The following DCAF5 variants were observed in gnomAD, a reference collection of about 807,000 sequenced individuals.
The protein encoded by DCAF5 is DDB1 and CUL4 associated factor 5.
In DCAF5, 9 loss-of-function variants were observed where a neutral mutation model predicts 80.7. The ratio of observed to expected loss-of-function variants is 0.11; its 90% confidence interval spans 0.07 to 0.19. DCAF5 has a LOEUF of 0.19. DCAF5 is among the 10% of genes least tolerant of loss of function. The probability of loss-of-function intolerance (pLI) is 1.00; values close to 1 mark genes in which losing one functional copy is unlikely to be tolerated. For synonymous variants in DCAF5, 433 were observed against 461.9 expected (o/e 0.94, Z 0.80); for missense variants, 842 against 1,205.7 (o/e 0.70, Z 4.47).
At chr14:69,149,310 G>A (rs1333721259) in intron 1 of DCAF5, 9 of 152,314 alleles carry the variant, frequency 5.9e-5, no homozygotes, top group Admixed American at 4.6e-4. Flanking sequence ...GTATCACAGC[G>A]ATGCCCCTTT....
Position 69,152,639 on chromosome 14 carries a change from C to A in DCAF5, c.214+126G>T. 1 of 686,468 alleles carries A rather than the reference C, an allele frequency of 1.5e-6. No homozygotes were observed. Among genetic ancestry groups the A allele is most frequent in the Admixed American group, 2.8e-5 (1 of 35,598 alleles). 42.5% of individuals were successfully genotyped at this position (686,468 alleles called of 1,614,324 possible). A position where few individuals can be genotyped will look rare whatever the true frequency, so the allele number is the denominator to read the frequency against. ...TTAATTTGACACCAAACCTTCCCAC[C>A]GCAGAAGGGGGTAGAGAAAGGGAGG... On this transcript the variant is annotated intron_variant, in intron 1 of 8. Transcript: ENST00000341516. The surrounding 1 kb of genome is among the most constrained non-coding windows in gnomAD (Gnocchi z 4.1).
intron 1 of DCAF5, among the ~76,000 whole-genome samples, chr14:69,132,089 G>T (rs2041058299): frequency 6.6e-6 from 1 of 152,128 alleles, no homozygotes; most frequent in Admixed American, 6.5e-5. Flanking sequence ...TGTGAATAAT[G>T]CCACTATGAA....
At chr14:69,136,043 T>C (rs1461302891) in intron 1 of DCAF5, among the ~76,000 whole-genome samples, 5 of 152,004 alleles carry the variant, frequency 3.3e-5, no homozygotes, top group Admixed American at 6.6e-5. Flanking sequence ...TGGTACAGTA[T>C]TAAGGAAGAA....
At chr14:69,115,341 C>T (rs1449298584) in intron 5 of DCAF5, among the ~76,000 whole-genome samples, 1 of 152,184 alleles carries the variant, frequency 6.6e-6, no homozygotes, top group African/African-American at 2.4e-5. Flanking sequence ...CACCGATCTG[C>T]TACAATAGTT....
At chr14:69,056,455 C>T (rs1053267909) in intron 8 of DCAF5, among the ~76,000 whole-genome samples, 12 of 152,230 alleles carry the variant, frequency 7.9e-5, no homozygotes, top group Admixed American at 3.9e-4. Context: ...AAAGGCTTAA[C>T]TTTACTGTTA....
chr14:69,144,571 C>T lies in DCAF5; in HGVS notation c.214+8194G>A, dbSNP rs138992681. Among the ~76,000 whole-genome samples the T allele has an allele frequency of 5.2e-3, 779 of 149,032 alleles. 5 individuals carry two copies. The highest frequency in any genetic ancestry group is 0.018 in the African/African-American group (745 of 40,374). ...CAGCCGGGGCGACAGAGCGAGACTC[C>T]GTTTAAAAAAAAAAGATTAAAGGGG... On this transcript the variant is annotated intron_variant, in intron 1 of 8. Transcript: ENST00000341516.
chr14:69,132,515 C>G (rs2041072237), intron 1 of DCAF5, among the ~76,000 whole-genome samples: 1 of 152,184 alleles, frequency 6.6e-6, no homozygotes, highest in African/African-American at 2.4e-5. Flanking sequence ...CCCCATCCAG[C>G]CCAAAAGAGT....
chr14:69,099,008 T>G (rs928259604), intron 5 of DCAF5, among the ~76,000 whole-genome samples: 1 of 151,484 alleles, frequency 6.6e-6, no homozygotes, highest in African/African-American at 2.4e-5. Context: ...ATCCCAGCAC[T>G]TTGGGAGGCC....
chr14:69,074,999 A>G (rs996194945), intron 7 of DCAF5, among the ~76,000 whole-genome samples: 5 of 151,486 alleles, frequency 3.3e-5, no homozygotes, highest in African/African-American at 1.2e-4. Context: ...ACACCAGTGC[A>G]CTCTGGCTTG....
intron 5 of DCAF5, among the ~76,000 whole-genome samples, chr14:69,094,715 A>AC (rs973496349): frequency 3.3e-5 from 5 of 152,196 alleles, no homozygotes; most frequent in African/African-American, 1.2e-4. Context: ...CTGCCCTCAT[A>AC]GTCAAGATAC....
chr14:69,083,944 A>G lies in DCAF5; in HGVS notation c.879+7730T>C, dbSNP rs956982184. ...TTCTTATGTAATCTTGTCAATGAAA[A>G]CACTCTGAAGGCAATAAAAGAAATG... On this transcript the variant is annotated intron_variant, in intron 6 of 8. Transcript: ENST00000341516. 1.0e-5 allele frequency: 8 copies of G among 780,994 alleles called. No individual in the cohort carries two copies. The Admixed American group carries it at 1.4e-4, about 13-fold the overall frequency. The allele number at this position is 780,994 out of a possible 1,614,324, so 48.4% of individuals were successfully genotyped here. A position where few individuals can be genotyped will look rare whatever the true frequency, so the allele number is the denominator to read the frequency against.
chr14:69,152,520 T>G lies in DCAF5; in HGVS notation c.214+245A>C. 1.9e-6 allele frequency: 1 copy of G among 530,504 alleles called. No homozygotes were observed. Among genetic ancestry groups the G allele is most frequent in the Non-Finnish European group, 3.4e-6 (1 of 293,574 alleles). The allele number at this position is 530,504 out of a possible 1,614,324, so 32.9% of individuals were successfully genotyped here. A position where few individuals can be genotyped will look rare whatever the true frequency, so the allele number is the denominator to read the frequency against. On this transcript the variant is annotated intron_variant, in intron 1 of 8. Coordinates refer to ENST00000341516, the MANE Select transcript of DCAF5 (RefSeq NM_003861.3). The surrounding 1 kb of genome is among the most constrained non-coding windows in gnomAD (Gnocchi z 4.1). The stretch of plus-strand genomic sequence containing the variant: ...AGGGCAGGCATCAGGAGAGATCACT[T>G]TGCACTTGGGATAAAGCGAATTAAG...
intron 5 of DCAF5, 56 bp downstream of exon 5, chr14:69,116,310 T>C (rs1322553597): frequency 5.3e-5 from 84 of 1,577,996 alleles, no homozygotes; most frequent in Non-Finnish European, 6.7e-5. Context: ...CTGGTCACAT[T>C]ACCTGAGAAA....
chr14:69,125,735 T>C (rs1346020808), intron 1 of DCAF5, among the ~76,000 whole-genome samples: 1 of 152,166 alleles, frequency 6.6e-6, no homozygotes, highest in African/African-American at 2.4e-5. Flanking sequence ...TGGAACATCA[T>C]ACAGCAGTTA....
At chr14:69,149,832 C>G (rs1412179720) in intron 1 of DCAF5, among the ~76,000 whole-genome samples, 1 of 152,148 alleles carries the variant, frequency 6.6e-6, no homozygotes, top group East Asian at 1.9e-4. Flanking sequence ...GCATTAGCCT[C>G]AGAATACTGT....
At chr14:69,119,030 A>G in intron 3 of DCAF5, 164 bp downstream of exon 3, 1 of 644,538 alleles carries the variant, frequency 1.6e-6, no homozygotes, top group South Asian at 2.8e-5. Flanking sequence ...TTAAATCAAA[A>G]CTTTATTTAT....
chr14:69,116,321 T>A (rs560500640), intron 5 of DCAF5, 45 bp downstream of exon 5: 2 of 1,585,162 alleles, frequency 1.3e-6, no homozygotes, highest in Non-Finnish European at 1.7e-6. Flanking sequence ...ACCTGAGAAA[T>A]GAGGCAGAGG....
intron 1 of DCAF5, among the ~76,000 whole-genome samples, chr14:69,140,222 G>GCCTGGGCGATTGCACTCCAAGATTCTGT (rs2041323376): frequency 6.6e-6 from 1 of 151,460 alleles, no homozygotes; most frequent in Non-Finnish European, 1.5e-5. Context: ...AGTCAAGATA[G>GCCTGGGCGATTGCACTCCAAGATTCTGT]CGCCATTGCA....
At position 69,152,606 on chromosome 14, in the gene DCAF5, C is replaced by A; in HGVS notation, c.214+159G>T. On this transcript the variant is annotated intron_variant, in intron 1 of 8. Coordinates refer to ENST00000341516, the MANE Select transcript of DCAF5 (RefSeq NM_003861.3). The surrounding 1 kb of genome is among the most constrained non-coding windows in gnomAD (Gnocchi z 4.1). ...ACATCCTCTCCTTCCCCTCCCCCTG[C>A]AATGGTTTTAATTTGACACCAAACC... The A allele has an allele frequency of 1.6e-6, 1 of 609,484 alleles. No homozygotes were observed. The highest frequency in any genetic ancestry group is 2.0e-5 in the South Asian group (1 of 50,390). The allele number at this position is 609,484 out of a possible 1,614,324, so 37.8% of individuals were successfully genotyped here. A position where few individuals can be genotyped will look rare whatever the true frequency, so the allele number is the denominator to read the frequency against.
Sources: gnomAD v4.1 joint callset for allele counts (sites outside exome capture counted in the v4.1 genomes callset) on GRCh38, gnomAD v4.1.1 for gene constraint, Gnocchi (gnomAD v3.1) non-coding constraint, MANE v1.5 for transcripts, NCBI Gene and HGNC (gene_info 2026-07-23, HGNC 2026-07-21) for gene names.